The following CEP290 variants were observed in gnomAD, a reference collection of about 807,000 sequenced individuals.
The protein encoded by CEP290 is centrosomal protein 290, also known as centrosomal protein of 290 kDa.
A neutral mutation model predicts 344.9 loss-of-function variants in CEP290; 317 were observed. The observed-to-expected ratio is 0.92, with a 90% CI of 0.84 to 1.01. The LOEUF is 1.01. Ranked by LOEUF, CEP290 falls within the 50% of genes least tolerant of loss-of-function variation. CEP290 has a pLI of 0.00. For synonymous variants in CEP290, 932 were observed against 895.8 expected (o/e 1.04, Z -0.72); for missense variants, 2,754 against 2,761.4 (o/e 1.00, Z 0.06).
At chr12:88,094,120 T>TC in intron 27 of CEP290, 145 bp from the exon 28 acceptor site, 1 of 607,618 alleles carries the variant, frequency 1.6e-6, no homozygotes, top group Non-Finnish European at 2.8e-6. Context: ...GACTCTAATC[T>TC]TAGCTCTGTT....
At chr12:88,054,628 AC>A (rs2033853833) in intron 50 of CEP290, among the ~76,000 whole-genome samples, 1 of 152,218 alleles carries the variant, frequency 6.6e-6, no homozygotes, top group Non-Finnish European at 1.5e-5. Flanking sequence ...ACAGCAGTGA[AC>A]AAAATGGCAA....
chr12:88,090,963 T>G (rs1013524407), intron 29 of CEP290, 124 bp from the exon 30 acceptor site: 1 of 577,116 alleles, frequency 1.7e-6, no homozygotes, highest in Non-Finnish European at 3.0e-6. Flanking sequence ...CTTCTTTGTA[T>G]GAAATATTAA....
intron 6 of CEP290, among the ~76,000 whole-genome samples, chr12:88,133,041 A>C (rs2138149715): frequency 6.9e-6 from 1 of 145,220 alleles, no homozygotes; most frequent in South Asian, 2.2e-4. Flanking sequence ...CCTCCATCCC[A>C]TGTCCCTGCA....
At chr12:88,108,901 T>C (rs2038477615) in intron 23 of CEP290, among the ~76,000 whole-genome samples, 165 bp downstream of exon 23, 1 of 151,956 alleles carries the variant, frequency 6.6e-6, no homozygotes, top group African/African-American at 2.4e-5. Flanking sequence ...TAAGCTACAC[T>C]GTCTCCATAA....
intron 47 of CEP290, 113 bp from the exon 48 acceptor site, chr12:88,060,133 G>T: frequency 1.1e-6 from 1 of 946,164 alleles, no homozygotes; most frequent in Non-Finnish European, 1.5e-6. Context: ...TATTTGATAT[G>T]ATTAGAATTA....
chr12:88,114,379 A>G (rs1260799138), intron 20 of CEP290, 41 bp downstream of exon 20: 1 of 1,484,192 alleles, frequency 6.7e-7, no homozygotes. Flanking sequence ...ATCTCTCTAA[A>G]GTGATAGGGG....
Position 88,071,930 on chromosome 12 carries a change from T to G in CEP290, c.5710-4A>C, listed in dbSNP as rs1258427865. On this transcript the variant is annotated splice_polypyrimidine_tract_variant and splice_region_variant and intron_variant, in intron 41 of 53. Transcript: ENST00000552810. ...TAATTAATTCTTCTTTAGCATTCTG[T>G]AACAATAACGAAGGAGGTAGGAAAA... 2 of 1,577,022 alleles carry G rather than the reference T, an allele frequency of 1.3e-6. No homozygotes were observed. The highest frequency in any genetic ancestry group is 2.4e-5 in the South Asian group (2 of 82,530).
rs753293680 is a variant in CEP290 at position 88,084,624 on chromosome 12, A to C, written c.4666T>G (p.Leu1556Val). Residue 1556 changes from leucine to valine, a missense_variant, in exon 35 of 54, where the codon TTA (leucine) becomes GTA (valine). Leu to Val is a conservative substitution (Grantham distance 32). Transcript: ENST00000552810. ...TCTAGAAGACGTTGATACTTCTTTA[A>C]TACTTCTTCTTTTTGATTTAACCTT... ...QARLNQKEEVLKKYQRLLEKA... is the reference protein window; with the variant it reads ...QARLNQKEEVVKKYQRLLEKA... 1.2e-6 allele frequency: 2 copies of C among 1,612,568 alleles called. No homozygotes were observed. Among genetic ancestry groups the C allele is most frequent in the African/African-American group, 1.3e-5 (1 of 74,904 alleles).
Position 88,118,744 on chromosome 12 carries a change from C to CTA in CEP290, c.1523-3_1523-2dup. On this transcript the variant is annotated splice_acceptor_variant, in intron 15 of 53. Transcript: ENST00000552810. LOFTEE classifies it high-confidence loss of function. ...TCAATCATTGTCTTTGGTTCAAGGC[C>CTA]TACAATAGAAAGCAATATAATTAAA... The CTA allele has an allele frequency of 6.3e-7, 1 of 1,598,204 alleles. No homozygotes were observed. The highest frequency in any genetic ancestry group is 8.5e-7 in the Non-Finnish European group (1 of 1,171,606).
intron 18 of CEP290, 104 bp from the exon 19 acceptor site, chr12:88,115,286 AAAC>A (rs1313537762): frequency 2.7e-6 from 2 of 731,950 alleles, no homozygotes; most frequent in African/African-American, 3.6e-5. Flanking sequence ...TAACAAAACA[AAAC>A]AAAAAAAACG....
At chr12:88,092,632 TA>T in intron 29 of CEP290, 48 bp downstream of exon 29, 1 of 1,526,906 alleles carries the variant, frequency 6.5e-7, no homozygotes. Context: ...AAAGACAAAT[TA>T]AAGAAGATAC....
At chr12:88,096,676 G>A (rs1297633265) in intron 27 of CEP290, among the ~76,000 whole-genome samples, 1 of 152,022 alleles carries the variant, frequency 6.6e-6, no homozygotes, top group Non-Finnish European at 1.5e-5. Context: ...GATTTCATTA[G>A]AAACAAATCT....
intron 43 of CEP290, among the ~76,000 whole-genome samples, chr12:88,070,471 C>T (rs2035286006): frequency 6.6e-6 from 1 of 152,028 alleles, no homozygotes; most frequent in Admixed American, 6.6e-5. Context: ...TATGAAAACA[C>T]CTCACTTTTT....
At chr12:88,093,728 TC>T in intron 28 of CEP290, 41 bp downstream of exon 28, 1 of 1,437,248 alleles carries the variant, frequency 7.0e-7, no homozygotes, top group Non-Finnish European at 9.6e-7. Context: ...CAAAACTAAT[TC>T]TTTATTCTAT....
chr12:88,105,678 C>T (rs2137592463), intron 25 of CEP290, among the ~76,000 whole-genome samples: 1 of 152,204 alleles, frequency 6.6e-6, no homozygotes, highest in Admixed American at 6.5e-5. Context: ...AAAATATCAC[C>T]AGTTAGCTAA....
intron 26 of CEP290, among the ~76,000 whole-genome samples, chr12:88,099,886 T>C (rs906010906): frequency 1.3e-5 from 2 of 151,972 alleles, no homozygotes; most frequent in African/African-American, 4.8e-5. Flanking sequence ...ATTTTGCTAT[T>C]TCCCTTATTA....
In CEP290 at chr12:88,086,083, G is replaced by T; in HGVS notation, c.4393C>A (p.Arg1465=). 6.2e-7 allele frequency: 1 copy of T among 1,612,630 alleles called. No homozygotes were observed. Among genetic ancestry groups the T allele is most frequent in the Non-Finnish European group, 8.5e-7 (1 of 1,179,352 alleles). The change falls in exon 34 of 54, where the codon CGA becomes AGA. Residue 1465 remains arginine (R), a synonymous_variant. Transcript: ENST00000552810. ...IALRKIKENI[R]IILETRATCK... Reference sequence around the variant, plus strand: ...GTTGCCCGTGTTTCTAGAATTATTCGAATGTTCTCCTTAATTTTCCTTAGA... The same window carrying T: ...GTTGCCCGTGTTTCTAGAATTATTCTAATGTTCTCCTTAATTTTCCTTAGA...
chr12:88,077,970 T>C, intron 39 of CEP290, 52 bp from the exon 40 acceptor site: 3 of 771,328 alleles, frequency 3.9e-6, no homozygotes, highest in Non-Finnish European at 6.0e-6. Context: ...GAAGTATCAA[T>C]GATAAAAGGA....
At chr12:88,090,062 A>G (rs2036909453) in intron 30 of CEP290, among the ~76,000 whole-genome samples, 1 of 152,180 alleles carries the variant, frequency 6.6e-6, no homozygotes, top group South Asian at 2.1e-4. Flanking sequence ...CAAGTAACAT[A>G]ATACTGATCA....
Sources: allele counts gnomAD v4.1 joint callset (sites outside exome capture counted in the v4.1 genomes callset), GRCh38; gene constraint gnomAD v4.1.1; transcripts MANE v1.5; gene names NCBI Gene and HGNC (gene_info 2026-07-23, HGNC 2026-07-21).